MBD5: variants seen among roughly 807,000 people sequenced by gnomAD.
The protein encoded by MBD5 is methyl-CpG-binding domain protein 5.
MBD5 carries 13 observed loss-of-function variants against 117.3 expected under a neutral mutation model. The ratio of observed to expected loss-of-function variants is 0.11; its 90% CI spans 0.07 to 0.18. MBD5 has a LOEUF of 0.18. Among genes scored for constraint, MBD5 ranks in the 10% least tolerant of loss-of-function variants. The pLI, the probability that MBD5 is intolerant of heterozygous loss-of-function variation, is 1.00. For missense variants in MBD5, 1,879 were observed against 2,093.8 expected, an observed-to-expected ratio of 0.90 and a Z score of 2.00; for synonymous variants, 727 against 766.4, an observed-to-expected ratio of 0.95 and a Z score of 0.85.
At chr2:148,494,673 C>T (rs1340108057) in intron 11 of MBD5, among the ~76,000 whole-genome samples, 3 of 152,148 alleles carry the variant, frequency 2.0e-5, no homozygotes, top group Non-Finnish European at 4.4e-5. Context: ...TAATAAAGTA[C>T]ATTCTGGGCC....
chr2:148,186,408 T>C (rs2105881647), intron 2 of MBD5, among the ~76,000 whole-genome samples: 1 of 152,286 alleles, frequency 6.6e-6, no homozygotes. Flanking sequence ...AACAGACAAA[T>C]ACAATGAGTA....
At chr2:148,251,077 T>C (rs2106244212) in intron 3 of MBD5, among the ~76,000 whole-genome samples, 1 of 152,230 alleles carries the variant, frequency 6.6e-6, no homozygotes, top group Non-Finnish European at 1.5e-5. Flanking sequence ...CTATAGGTAC[T>C]AAAAAACGCT....
At chr2:148,144,882 G>C (rs879403356) in intron 1 of MBD5, among the ~76,000 whole-genome samples, 11 of 152,178 alleles carry the variant, frequency 7.2e-5, no homozygotes, top group Non-Finnish European at 1.3e-4. Flanking sequence ...CAGGTAGCAT[G>C]ATGCCTCCAG....
At chr2:148,034,125 GTC>G (rs773641079) in intron 1 of MBD5, among the ~76,000 whole-genome samples, 110 of 152,240 alleles carry the variant, frequency 7.2e-4, no homozygotes, top group Non-Finnish European at 1.3e-3. Flanking sequence ...AGCCTGCGAG[GTC>G]AAGGCTGCAG....
At chr2:148,182,360 A>G (rs1192162238) in intron 2 of MBD5, among the ~76,000 whole-genome samples, 1 of 152,184 alleles carries the variant, frequency 6.6e-6, no homozygotes, top group African/African-American at 2.4e-5. Flanking sequence ...TAAACCATCC[A>G]TGCATTCATA....
At chr2:148,097,919 C>G (rs1433427522) in intron 1 of MBD5, among the ~76,000 whole-genome samples, 1 of 152,198 alleles carries the variant, frequency 6.6e-6, no homozygotes, top group African/African-American at 2.4e-5. Flanking sequence ...CTAGGAACTT[C>G]ATGAACGTTT....
intron 4 of MBD5, among the ~76,000 whole-genome samples, chr2:148,414,605 G>C (rs1003197148): frequency 6.6e-6 from 1 of 152,162 alleles, no homozygotes; most frequent in African/African-American, 2.4e-5. Context: ...ACATCTCTCT[G>C]TAGGTCTCCA....
chr2:148,057,045 C>T (rs1487751690), intron 1 of MBD5, among the ~76,000 whole-genome samples: 1 of 151,630 alleles, frequency 6.6e-6, no homozygotes, highest in Non-Finnish European at 1.5e-5. Flanking sequence ...TTAATGTATG[C>T]ATTATTTGTT....
At chr2:148,240,306 T>C (rs1055669541) in intron 3 of MBD5, among the ~76,000 whole-genome samples, 1 of 151,966 alleles carries the variant, frequency 6.6e-6, no homozygotes, top group Non-Finnish European at 1.5e-5. Flanking sequence ...TTAGGAGATA[T>C]ACCTAATGTA....
chr2:148,132,956 G>T (rs979856181), intron 1 of MBD5, among the ~76,000 whole-genome samples: 2 of 151,980 alleles, frequency 1.3e-5, no homozygotes, highest in Admixed American at 6.6e-5. Context: ...CTTATCTTAA[G>T]GCTGACTTAA....
chr2:148,050,173 A>G (rs1694655285), intron 1 of MBD5, among the ~76,000 whole-genome samples: 1 of 152,140 alleles, frequency 6.6e-6, no homozygotes, highest in Non-Finnish European at 1.5e-5. Flanking sequence ...CGAGGGTTCC[A>G]GTTTCTCAGC....
intron 1 of MBD5, among the ~76,000 whole-genome samples, chr2:148,050,072 T>A (rs1046105756): frequency 1.3e-5 from 2 of 152,186 alleles, no homozygotes; most frequent in Admixed American, 6.5e-5. Flanking sequence ...CCTAGGAATG[T>A]AATTGCTGGG....
rs954658688 is a variant in MBD5 at position 148,077,801 on chromosome 2, A to G, written c.-925+56117A>G. 5.3e-5 allele frequency among the ~76,000 whole-genome samples: 8 copies of G among 152,250 alleles called. No homozygotes were observed. In the East Asian group the frequency reaches 5.8e-4, roughly 11 times the overall value. The stretch of plus-strand genomic sequence containing the variant: ...AAAATCTGCAAAAGATGTGACTTTT[A>G]TAGCATGAGGGTAGGGTGAACAACA... On this transcript the variant is annotated intron_variant, in intron 1 of 13. Transcript: ENST00000642680.
chr2:148,066,688 G>C (rs971705477), intron 1 of MBD5, among the ~76,000 whole-genome samples: 3 of 151,956 alleles, frequency 2.0e-5, no homozygotes, highest in Non-Finnish European at 4.4e-5. Flanking sequence ...GTGTTGCCTA[G>C]CCTGGTCTTG....
At chr2:148,405,475 A>G (rs896056936) in intron 4 of MBD5, among the ~76,000 whole-genome samples, 5 of 152,194 alleles carry the variant, frequency 3.3e-5, no homozygotes, top group African/African-American at 7.2e-5. Flanking sequence ...CATGCCAGGA[A>G]AACGGAACAG....
intron 3 of MBD5, among the ~76,000 whole-genome samples, chr2:148,288,144 T>G (rs1428738706): frequency 6.6e-6 from 1 of 151,356 alleles, no homozygotes. Flanking sequence ...CTCACGCCTG[T>G]AATCCCAGCA....
At chr2:148,069,914 C>A (rs1358790105) in intron 1 of MBD5, among the ~76,000 whole-genome samples, 2 of 152,142 alleles carry the variant, frequency 1.3e-5, no homozygotes, top group Non-Finnish European at 1.5e-5. Context: ...TAGCCATCAT[C>A]TTGAGTAGTT....
chr2:148,149,696 A>G (rs1023517757), intron 1 of MBD5, among the ~76,000 whole-genome samples: 152 of 152,290 alleles, frequency 1.0e-3, no homozygotes, highest in African/African-American at 3.6e-3. Flanking sequence ...GCCAGTGATG[A>G]TGAGCATTTT....
intron 4 of MBD5, among the ~76,000 whole-genome samples, chr2:148,378,796 T>G (rs558315126): frequency 1.3e-5 from 2 of 152,158 alleles, no homozygotes; most frequent in South Asian, 4.1e-4. Flanking sequence ...GTAGGAAAAA[T>G]GCATATTTAC....
Sources: gnomAD v4.1 joint callset for allele counts (sites outside exome capture counted in the v4.1 genomes callset) on GRCh38, gnomAD v4.1.1 for gene constraint, MANE v1.5 for transcripts, NCBI Gene and HGNC (gene_info 2026-07-23, HGNC 2026-07-21) for gene names.